The following CIT variants were observed in gnomAD, a reference collection of about 807,000 sequenced individuals.
CIT encodes citron Rho-interacting kinase.
A neutral mutation model predicts 272.7 loss-of-function variants in CIT; 79 were observed. That is an observed-to-expected ratio of 0.29 (90% CI 0.24 to 0.35). The LOEUF is 0.35. Among genes scored for constraint, CIT ranks in the 10% least tolerant of loss-of-function variants. CIT has a pLI of 1.00. For missense variants in CIT, 1,909 were observed against 2,618.3 expected (o/e 0.73, Z 5.91); for synonymous variants, 948 against 995.6 (o/e 0.95, Z 0.90).
At chr12:119,831,173 T>C (rs1968600306) in intron 7 of CIT, among the ~76,000 whole-genome samples, 1 of 152,208 alleles carries the variant, frequency 6.6e-6, no homozygotes, top group South Asian at 2.1e-4. Context: ...AAATGTTTAA[T>C]CCTAAGTGAT....
In CIT at chr12:119,803,379, G is replaced by C. The variant is rs759646774; in HGVS notation, c.1122C>G (p.Pro374=). 5.1e-6 allele frequency: 8 copies of C among 1,565,770 alleles called. No individual in the cohort carries two copies. The highest frequency in any genetic ancestry group is 2.0e-5 in the Admixed American group (1 of 49,888). Residue 374 remains proline, a synonymous_variant, in exon 10 of 48, where the codon CCC becomes CCG. Transcript: ENST00000392521. ...CGTCAGACTTGAGGGTGGGAACGAAGGGGGGAGGAGCTGGTTAAAGAAAAA... is the reference window on the plus strand; with the variant it reads ...CGTCAGACTTGAGGGTGGGAACGAACGGGGGAGGAGCTGGTTAAAGAAAAA... ...DWNNIRNSPP[P]FVPTLKSDDD...
chr12:119,734,315 G>C lies in CIT; in HGVS notation c.3199C>G (p.Gln1067Glu). ...TTTAGGGCCTCCAAATCCATGACCT[G>C]TTCCTCCAGCATGGTGCACGTGGTC... Reference protein sequence around the residue: ...LKTTCTMLEEQVMDLEALNDE... With the variant: ...LKTTCTMLEEEVMDLEALNDE... The change falls in exon 26 of 48, where the codon CAG (glutamine) becomes GAG (glutamate). Residue 1067 changes from glutamine (Q) to glutamate (E), a missense_variant. Coordinates refer to ENST00000392521, the MANE Select transcript of CIT (RefSeq NM_001206999.2). The C allele has an allele frequency of 6.2e-7, 1 of 1,613,802 alleles. No homozygotes were observed. Among genetic ancestry groups the C allele is most frequent in the South Asian group, 1.1e-5 (1 of 91,052 alleles).
Position 119,700,755 on chromosome 12 carries a change from A to C in CIT, c.5613T>G (p.Pro1871=). The C allele has an allele frequency of 1.3e-6, 2 of 1,526,472 alleles. No homozygotes were observed. Among genetic ancestry groups the C allele is most frequent in the Non-Finnish European group, 1.8e-6 (2 of 1,116,462 alleles). The allele number at this position is 1,526,472 out of a possible 1,614,324, so 94.6% of individuals were successfully genotyped here. ...RTDDLKWSRL[P]LAFAYREPYL... is the part of the protein sequence containing the mutation. ...CTGAGCCTCACGTACCAAAGGCCAA[A>C]GGTAAGCGACTCCACTTGAGATCGT... Residue 1871 remains proline, a synonymous_variant, in exon 44 of 48, where the codon CCT becomes CCG. Transcript: ENST00000392521.
At chr12:119,689,397 A>G (rs1214464969) in intron 47 of CIT, among the ~76,000 whole-genome samples, 1 of 152,042 alleles carries the variant, frequency 6.6e-6, no homozygotes, top group Non-Finnish European at 1.5e-5. Context: ...AAGAAAAAAA[A>G]AAAAAGAAAA....
At chr12:119,774,076 C>T (rs1326313982) in intron 16 of CIT, among the ~76,000 whole-genome samples, 1 of 152,082 alleles carries the variant, frequency 6.6e-6, no homozygotes, top group Non-Finnish European at 1.5e-5. Context: ...TGTATGATTC[C>T]AGTTTATGAG....
Position 119,770,704 on chromosome 12 carries a change from G to GT in CIT, c.2208+80dup. 1 of 1,529,682 alleles carries GT rather than the reference G, an allele frequency of 6.5e-7. No individual in the cohort carries two copies. The highest frequency in any genetic ancestry group is 9.0e-7 in the Non-Finnish European group (1 of 1,114,478). The allele number at this position is 1,529,682 out of a possible 1,614,324, so 94.8% of individuals were successfully genotyped here. A position where few individuals can be genotyped will look rare whatever the true frequency, so the allele number is the denominator to read the frequency against. On this transcript the variant is annotated intron_variant, in intron 18 of 47. Transcript: ENST00000392521. The surrounding 1 kb of genome is among the most constrained non-coding windows in gnomAD (Gnocchi z 4.4). Reference sequence around the variant, plus strand: ...TGGAGATACCTCCCTTATTGTGGCGGTTAATTCTTCTTCTTACCCCCTTCC... The same window carrying GT: ...TGGAGATACCTCCCTTATTGTGGCGGTTTAATTCTTCTTCTTACCCCCTTCC...
At chr12:119,691,029 G>C (rs890697826) in intron 46 of CIT, among the ~76,000 whole-genome samples, 1 of 152,050 alleles carries the variant, frequency 6.6e-6, no homozygotes, top group Non-Finnish European at 1.5e-5. Context: ...AAAATTAGCC[G>C]GGCGTGTTGG....
intron 3 of CIT, among the ~76,000 whole-genome samples, chr12:119,866,229 C>G (rs1050358470): frequency 1.3e-5 from 2 of 152,130 alleles, no homozygotes; most frequent in African/African-American, 4.8e-5. Context: ...CACCCAATGC[C>G]CCAGTCCTCT....
At chr12:119,700,559 T>C in intron 44 of CIT, 186 bp downstream of exon 44, 1 of 535,074 alleles carries the variant, frequency 1.9e-6, no homozygotes, top group Non-Finnish European at 3.4e-6. Flanking sequence ...ATTTTTGTAT[T>C]TTTAGTAGAA....
In CIT at chr12:119,783,931, C is replaced by A; in HGVS notation, c.1522G>T (p.Ala508Ser). The A allele has an allele frequency of 6.2e-7, 1 of 1,603,632 alleles. No individual in the cohort carries two copies. Residue 508 changes from alanine (A) to serine (S), a missense_variant, in exon 12 of 48, where the codon GCT (alanine) becomes TCT (serine). By Grantham distance (99) the Ala-to-Ser change is moderately conservative. This residue lies in a region of CIT where 8 missense variants were observed against 48.2 expected (regional missense o/e 0.17). Coordinates refer to ENST00000392521, the MANE Select transcript of CIT (RefSeq NM_001206999.2). The part of the protein sequence containing the change: ...TQRSLLEQDL[A>S]TYITECSSLK... ...ACACTGCATTCTGTGATGTAGGTAG[C>A]AAGGTCCTGCTCCAGGAGGGATCTC...
chr12:119,757,297 G>C (rs1961126639), intron 22 of CIT, 74 bp downstream of exon 22: 6 of 1,559,982 alleles, frequency 3.8e-6, no homozygotes, highest in Non-Finnish European at 5.2e-6. Flanking sequence ...ATATTGATTT[G>C]TGCTCGAAAG....
intron 41 of CIT, among the ~76,000 whole-genome samples, chr12:119,703,979 T>A (rs962407882): frequency 6.6e-6 from 1 of 152,212 alleles, no homozygotes; most frequent in African/African-American, 2.4e-5. Flanking sequence ...TAGACACCTC[T>A]AGAATTTGAG....
chr12:119,763,232 A>G (rs560311947), intron 19 of CIT, among the ~76,000 whole-genome samples: 1 of 7,744 alleles, frequency 1.3e-4, no homozygotes, highest in African/African-American at 1.5e-3. Flanking sequence ...AGGAACATCA[A>G]TATATCACCA....
rs1963046303 is a variant in CIT, at chr12:119,770,800, C to T, written c.2193G>A (p.Met731Ile). The T allele has an allele frequency of 2.5e-6, 4 of 1,612,760 alleles. No homozygotes were observed. The highest frequency in any genetic ancestry group is 3.4e-6 in the Non-Finnish European group (4 of 1,179,886). Reference protein sequence around the residue: ...IQTKSQQIQQMADKILELEEK... With the variant: ...IQTKSQQIQQIADKILELEEK... ...TCCTGCTCACCAGAATTTTATCAGC[C>T]ATCTGCTGGATCTGTTGGGATTTTG... The change falls in exon 18 of 48, where the codon ATG (methionine) becomes ATA (isoleucine). Residue 731 changes from methionine to isoleucine, a missense_variant. Physicochemically the swap from Met to Ile is conservative, Grantham distance 10. This residue lies in a region of CIT where 530 missense variants were observed against 822.4 expected (regional missense o/e 0.64). Coordinates refer to ENST00000392521, the MANE Select transcript of CIT (RefSeq NM_001206999.2). This position sits in a 1 kb window ranked among gnomAD's most constrained non-coding sequence, Gnocchi z 4.4.
intron 5 of CIT, among the ~76,000 whole-genome samples, chr12:119,844,903 G>A (rs1969682265): frequency 6.6e-6 from 1 of 151,650 alleles, no homozygotes; most frequent in Non-Finnish European, 1.5e-5. Context: ...GGCGGATCAT[G>A]AGGTCAGAAG....
Position 119,857,696 on chromosome 12 carries a change from A to G in CIT, c.241T>C (p.Ser81Pro). 1 of 1,613,578 alleles carries G rather than the reference A, an allele frequency of 6.2e-7. No individual in the cohort carries two copies. The highest frequency in any genetic ancestry group is 8.5e-7 in the Non-Finnish European group (1 of 1,179,672). Residue 81 changes from serine to proline, a missense_variant and splice_region_variant, in exon 4 of 48, where the codon TCC becomes CCC. Ser to Pro is a moderately conservative substitution (Grantham distance 74, BLOSUM62 -1). Transcript: ENST00000392521. ...KHVSNFVRKY[S>P]DTIAELQELQ... is the part of the protein sequence containing the mutation. ...TCCTGTAACTCAGCTATGGTGTCGGAATCTGCAAAAGATGCAAGAGTTAGC... is the reference window on the plus strand; with the variant it reads ...TCCTGTAACTCAGCTATGGTGTCGGGATCTGCAAAAGATGCAAGAGTTAGC...
chr12:119,793,435 T>A (rs908552834), intron 10 of CIT, among the ~76,000 whole-genome samples: 3 of 152,004 alleles, frequency 2.0e-5, no homozygotes, highest in African/African-American at 7.2e-5. Context: ...CTATCCACCC[T>A]CCACACAATG....
intron 4 of CIT, among the ~76,000 whole-genome samples, chr12:119,855,961 C>T (rs1970557483): frequency 6.6e-6 from 1 of 152,200 alleles, no homozygotes; most frequent in African/African-American, 2.4e-5. Flanking sequence ...TGATGAGACA[C>T]AGTTCTTTCT....
intron 10 of CIT, among the ~76,000 whole-genome samples, chr12:119,793,152 A>G (rs991338749): frequency 6.6e-6 from 1 of 151,928 alleles, no homozygotes; most frequent in Non-Finnish European, 1.5e-5. Context: ...CACACCACAC[A>G]TACTCATATA....
Sources: allele counts gnomAD v4.1 joint callset (sites outside exome capture counted in the v4.1 genomes callset), GRCh38; gene constraint gnomAD v4.1.1; regional missense constraint gnomAD v4.1.1; non-coding constraint Gnocchi (gnomAD v3.1); transcripts MANE v1.5; gene names NCBI Gene and HGNC (gene_info 2026-07-23, HGNC 2026-07-21).